HTR1F: variants seen among roughly 807,000 people sequenced by gnomAD.
HTR1F encodes the protein 5-hydroxytryptamine receptor 1F.
HTR1F carries 17 observed loss-of-function variants against 24.0 expected under a neutral mutation model. The ratio of observed to expected loss-of-function variants is 0.71; its 90% confidence interval spans 0.48 to 1.06. HTR1F has a LOEUF of 1.06. Ranked by LOEUF, HTR1F falls within the 50% of genes least tolerant of loss-of-function variation. The pLI is 0.00. For missense variants in HTR1F, 391 were observed against 427.8 expected, an observed-to-expected ratio of 0.91 and a Z score of 0.76; for synonymous variants, 186 against 156.8, an observed-to-expected ratio of 1.19 and a Z score of -1.39.
chr3:87,834,827 T>C (rs1404939195), intron 2 of HTR1F, among the ~76,000 whole-genome samples: 1 of 152,214 alleles, frequency 6.6e-6, no homozygotes, highest in African/African-American at 2.4e-5. Context: ...GAATAAAGTT[T>C]TACTAGAAAA....
chr3:87,814,423 A>G (rs1704215377), intron 1 of HTR1F, among the ~76,000 whole-genome samples: 1 of 152,156 alleles, frequency 6.6e-6, no homozygotes, highest in South Asian at 2.1e-4. Flanking sequence ...GCAATTTTCA[A>G]GTATAGAATA....
chr3:87,976,191 A>G (rs866841916), intron 2 of HTR1F, among the ~76,000 whole-genome samples: 1 of 152,180 alleles, frequency 6.6e-6, no homozygotes, highest in African/African-American at 2.4e-5. Flanking sequence ...CAAAAGAAAG[A>G]TAGAATACAA....
chr3:87,839,572 T>C (rs75017486), intron 2 of HTR1F, among the ~76,000 whole-genome samples: 1 of 152,260 alleles, frequency 6.6e-6, no homozygotes, highest in East Asian at 1.9e-4. Flanking sequence ...TTTTAGGATA[T>C]TTTCCTTTAA....
chr3:87,948,609 C>T (rs1209477153), intron 2 of HTR1F, among the ~76,000 whole-genome samples: 1 of 151,930 alleles, frequency 6.6e-6, no homozygotes, highest in Non-Finnish European at 1.5e-5. Flanking sequence ...ATCAGTCTCC[C>T]AAGTAGCTGG....
Position 87,990,733 on chromosome 3 carries a change from CT to C in HTR1F, c.-13del. The C allele has an allele frequency of 6.3e-7, 1 of 1,592,834 alleles. No homozygotes were observed. Among genetic ancestry groups the C allele is most frequent in the South Asian group, 1.1e-5 (1 of 89,704 alleles). On this transcript the variant is annotated 5_prime_UTR_variant, in exon 3 of 3. The change abolishes the stop of an existing upstream ORF in the 5' untranslated region. Coordinates refer to ENST00000319595, the MANE Select transcript of HTR1F (RefSeq NM_001322209.2). ...GTATCCATTTTTCAGCTATATTAAT[CT>C]TTTAAAACAAAGAAAATGGATTTCT...
chr3:87,927,600 A>T (rs1243604983), intron 2 of HTR1F, among the ~76,000 whole-genome samples: 1 of 152,204 alleles, frequency 6.6e-6, no homozygotes, highest in East Asian at 1.9e-4. Context: ...CTTTATTTGA[A>T]AAATGAAAGA....
At chr3:87,859,174 G>A (rs1042420255) in intron 2 of HTR1F, among the ~76,000 whole-genome samples, 2 of 152,270 alleles carry the variant, frequency 1.3e-5, no homozygotes, top group East Asian at 1.9e-4. Context: ...CTCCAGCCTC[G>A]GCAACAAGAG....
intron 2 of HTR1F, among the ~76,000 whole-genome samples, chr3:87,908,581 A>C (rs151127655): frequency 0.017 from 2,568 of 152,180 alleles, 32 homozygotes; most frequent in Non-Finnish European, 0.024. Flanking sequence ...ATTTTGAATA[A>C]AATTCTACTT....
At chr3:87,811,909 A>G in intron 1 of HTR1F, among the ~76,000 whole-genome samples, 1 of 152,156 alleles carries the variant, frequency 6.6e-6, no homozygotes, top group East Asian at 1.9e-4. Context: ...TTCTCATGAT[A>G]GTGAGTGAGT....
chr3:87,979,179 C>A (rs1372369205), intron 2 of HTR1F, among the ~76,000 whole-genome samples: 1 of 146,230 alleles, frequency 6.8e-6, no homozygotes, highest in Non-Finnish European at 1.5e-5. Flanking sequence ...AGTGCTACAC[C>A]CTAATCGGCA....
chr3:87,977,672 T>G (rs6804199), intron 2 of HTR1F, among the ~76,000 whole-genome samples: 52,932 of 151,428 alleles, frequency 0.35, 9,407 homozygotes, highest in African/African-American at 0.41. Flanking sequence ...CCGCCCACCT[T>G]GGCCTCCCAA....
chr3:87,959,356 C>T (rs1239027610), intron 2 of HTR1F, among the ~76,000 whole-genome samples: 1 of 151,800 alleles, frequency 6.6e-6, no homozygotes, highest in Non-Finnish European at 1.5e-5. Flanking sequence ...CCAAATTCTC[C>T]CTTGCTTCCT....
intron 2 of HTR1F, among the ~76,000 whole-genome samples, chr3:87,864,262 T>C (rs1323409968): frequency 6.6e-6 from 1 of 152,168 alleles, no homozygotes; most frequent in Non-Finnish European, 1.5e-5. Context: ...GGGAGGCCGT[T>C]ATTTGGCCTA....
At chr3:87,973,851 T>G (rs1182812153) in intron 2 of HTR1F, among the ~76,000 whole-genome samples, 1 of 152,162 alleles carries the variant, frequency 6.6e-6, no homozygotes, top group Non-Finnish European at 1.5e-5. Flanking sequence ...CACGCTTAAA[T>G]TAGGATAATG....
At chr3:87,920,271 G>T (rs756186910) in intron 2 of HTR1F, among the ~76,000 whole-genome samples, 34 of 151,868 alleles carry the variant, frequency 2.2e-4, no homozygotes, top group Admixed American at 5.3e-4. Context: ...AAGGGGGTGA[G>T]GGATAAAAGA....
intron 2 of HTR1F, among the ~76,000 whole-genome samples, chr3:87,825,528 C>G (rs1704445017): frequency 6.6e-6 from 1 of 152,148 alleles, no homozygotes; most frequent in African/African-American, 2.4e-5. Flanking sequence ...AAGAGTCATT[C>G]CTTAATGCCT....
chr3:87,988,043 C>T (rs888809107), intron 2 of HTR1F, among the ~76,000 whole-genome samples: 3 of 151,474 alleles, frequency 2.0e-5, no homozygotes, highest in Non-Finnish European at 2.9e-5. Context: ...GTTGATTATG[C>T]CCAGAACCCT....
intron 1 of HTR1F, among the ~76,000 whole-genome samples, chr3:87,800,514 T>A (rs531816862): frequency 6.6e-6 from 1 of 152,374 alleles, no homozygotes; most frequent in Admixed American, 6.5e-5. Flanking sequence ...CTTTTGTAAA[T>A]ATCCATAGTG....
intron 2 of HTR1F, among the ~76,000 whole-genome samples, chr3:87,872,325 C>A (rs959652866): frequency 3.9e-5 from 6 of 151,986 alleles, no homozygotes; most frequent in African/African-American, 1.4e-4. Context: ...AAATCAACAA[C>A]CTGACTTATT....
Sources: allele counts gnomAD v4.1 joint callset (sites outside exome capture counted in the v4.1 genomes callset), GRCh38; gene constraint gnomAD v4.1.1; transcripts MANE v1.5; gene names NCBI Gene and HGNC (gene_info 2026-07-23, HGNC 2026-07-21).